KANSL1: variants seen among roughly 807,000 people sequenced by gnomAD.
The protein encoded by KANSL1 is KAT8 regulatory NSL complex subunit 1.
Under a neutral mutation model 103.6 loss-of-function variants are expected in KANSL1, and 22 were observed. The observed-to-expected ratio is 0.21, with a 90% CI of 0.15 to 0.30. KANSL1 has a LOEUF of 0.30. Ranked by LOEUF, KANSL1 falls within the 10% of genes least tolerant of loss-of-function variation. The pLI, the probability that KANSL1 is intolerant of heterozygous loss-of-function variation, is 1.00. For synonymous variants in KANSL1, 600 were observed against 527.6 expected (o/e 1.14, Z -1.88); for missense variants, 1,337 against 1,399.8 (o/e 0.96, Z 0.72).
chr17:46,125,054 GGGA>G (rs2043469913), intron 2 of KANSL1, among the ~76,000 whole-genome samples: 25 of 60,532 alleles, frequency 4.1e-4, no homozygotes, highest in African/African-American at 1.6e-3. Context: ...GGAGGAGGGA[GGGA>G]GGAGGGAGGG....
At chr17:46,038,803 G>T in intron 9 of KANSL1, 117 bp from the exon 10 acceptor site, 1 of 1,373,278 alleles carries the variant, frequency 7.3e-7, no homozygotes, top group Non-Finnish European at 1.0e-6. Context: ...TCTATGCCTA[G>T]AGGATAAAAA....
intron 2 of KANSL1, among the ~76,000 whole-genome samples, chr17:46,100,381 C>T (rs1275240058): frequency 1.3e-5 from 2 of 149,192 alleles, no homozygotes; most frequent in African/African-American, 2.5e-5. Flanking sequence ...CGGAGGCTGC[C>T]GTGGGCCCAG....
upstream of KANSL1, chr17:46,193,720 A>C (rs907661697): frequency 2.4e-5 from 6 of 254,038 alleles, no homozygotes; most frequent in Admixed American, 3.2e-4. Context: ...GGGGGAAGCC[A>C]GCCCTCGCTG....
intron 2 of KANSL1, among the ~76,000 whole-genome samples, chr17:46,141,097 C>T (rs1437396882): frequency 6.6e-6 from 1 of 151,968 alleles, no homozygotes; most frequent in African/African-American, 2.4e-5. Flanking sequence ...ACAATGTACT[C>T]AACAATTAAC....
chr17:46,192,509 G>T (rs1300301253), intron 1 of KANSL1: 4 of 152,786 alleles, frequency 2.6e-5, no homozygotes, highest in African/African-American at 9.6e-5. Context: ...TTGTTTGGGG[G>T]GTTCTTTTAC....
chr17:46,052,183 ATTACAC>A (rs1019868624), intron 6 of KANSL1, among the ~76,000 whole-genome samples: 13 of 152,222 alleles, frequency 8.5e-5, no homozygotes, highest in Admixed American at 5.2e-4. Flanking sequence ...GGATCCAAAA[ATTACAC>A]TGAAACTTTC....
At chr17:46,117,541 T>C (rs2043097893) in intron 2 of KANSL1, among the ~76,000 whole-genome samples, 1 of 152,242 alleles carries the variant, frequency 6.6e-6, no homozygotes, top group South Asian at 2.1e-4. Context: ...GAGAAGGGGA[T>C]ATCCTATTCA....
At chr17:46,119,292 A>G (rs2043178196) in intron 2 of KANSL1, among the ~76,000 whole-genome samples, 1 of 151,464 alleles carries the variant, frequency 6.6e-6, no homozygotes, top group South Asian at 2.1e-4. Context: ...TATACGGGTA[A>G]TCTGGCTCCA....
At chr17:46,177,780 CTT>C (rs67765122) in intron 1 of KANSL1, among the ~76,000 whole-genome samples, 2 of 146,616 alleles carry the variant, frequency 1.4e-5, no homozygotes. Flanking sequence ...CAGTAACATT[CTT>C]TTTTTTTTTT....
At chr17:46,047,710 C>T (rs1365658474) in intron 7 of KANSL1, among the ~76,000 whole-genome samples, 1 of 151,372 alleles carries the variant, frequency 6.6e-6, no homozygotes, top group Non-Finnish European at 1.5e-5. Context: ...CTGTTTAGAG[C>T]CCAGGAAGTC....
At chr17:46,142,286 C>T (rs1170087315) in intron 2 of KANSL1, among the ~76,000 whole-genome samples, 1 of 152,082 alleles carries the variant, frequency 6.6e-6, no homozygotes, top group Non-Finnish European at 1.5e-5. Context: ...ATATTTTTAC[C>T]AAAGGATAAA....
chr17:46,156,300 T>C (rs898207447), intron 2 of KANSL1, among the ~76,000 whole-genome samples: 4 of 152,210 alleles, frequency 2.6e-5, no homozygotes, highest in Admixed American at 2.6e-4. Context: ...TGAGCCGAGA[T>C]GGCACCACTG....
At chr17:46,136,202 G>A (rs2044132953) in intron 2 of KANSL1, among the ~76,000 whole-genome samples, 1 of 152,064 alleles carries the variant, frequency 6.6e-6, no homozygotes, top group Admixed American at 6.6e-5. Flanking sequence ...CATGGTAAAA[G>A]TCACAAAAAG....
chr17:46,191,808 C>T (rs898267142), intron 1 of KANSL1, among the ~76,000 whole-genome samples: 28 of 152,226 alleles, frequency 1.8e-4, no homozygotes, highest in African/African-American at 6.3e-4. Flanking sequence ...ATGGCAACAC[C>T]AGGATTGTGA....
chr17:46,179,793 G>T (rs975269829), intron 1 of KANSL1, among the ~76,000 whole-genome samples: 1 of 152,250 alleles, frequency 6.6e-6, no homozygotes, highest in African/African-American at 2.4e-5. Context: ...TTTGGGCCGG[G>T]CGCAGTGACT....
At chr17:46,059,522 G>A (rs1300380265) in intron 6 of KANSL1, among the ~76,000 whole-genome samples, 1 of 151,406 alleles carries the variant, frequency 6.6e-6, no homozygotes, top group Non-Finnish European at 1.5e-5. Context: ...GGAAGGCTGA[G>A]GCAGGAAGGA....
At chr17:46,191,721 C>A (rs2047334552) in intron 1 of KANSL1, among the ~76,000 whole-genome samples, 1 of 152,172 alleles carries the variant, frequency 6.6e-6, no homozygotes, top group Admixed American at 6.5e-5. Flanking sequence ...TTCCTCTGAG[C>A]TGCAATTTAA....
At chr17:46,077,319 C>T (rs889125510) in intron 4 of KANSL1, among the ~76,000 whole-genome samples, 31 of 152,288 alleles carry the variant, frequency 2.0e-4, no homozygotes, top group South Asian at 1.2e-3. Flanking sequence ...TCCCAGAGTG[C>T]TGGGATTACA....
chr17:46,140,123 TAC>T (rs1567720548), intron 2 of KANSL1, among the ~76,000 whole-genome samples: 3 of 152,188 alleles, frequency 2.0e-5, no homozygotes, highest in Non-Finnish European at 4.4e-5. Flanking sequence ...TGTGCACATA[TAC>T]ACATACACAT....
Sources: gnomAD v4.1 joint callset for allele counts (sites outside exome capture counted in the v4.1 genomes callset) on GRCh38, gnomAD v4.1.1 for gene constraint, MANE v1.5 for transcripts, NCBI Gene and HGNC (gene_info 2026-07-23, HGNC 2026-07-21) for gene names.